Variants in PCDH15 observed in about 807,000 individuals in gnomAD.
PCDH15 encodes the protein protocadherin-15.
Under a neutral mutation model 178.5 loss-of-function variants are expected in PCDH15, and 129 were observed. That is an observed-to-expected ratio of 0.72 (90% CI 0.63 to 0.84). PCDH15 has a LOEUF of 0.84. Ranked by LOEUF, PCDH15 falls within the 40% of genes least tolerant of loss-of-function variation. PCDH15 has a pLI of 0.00. For synonymous variants in PCDH15, 800 were observed against 732.0 expected (o/e 1.09, Z -1.50); for missense variants, 2,230 against 2,099.9 (o/e 1.06, Z -1.21).
intron 1 of PCDH15, among the ~76,000 whole-genome samples, chr10:54,733,216 A>G (rs1235881406): frequency 1.3e-5 from 2 of 151,614 alleles, no homozygotes; most frequent in Non-Finnish European, 3.0e-5. Context: ...ATGATTATCT[A>G]TGTAGAAAAT....
chr10:54,086,622 C>T (rs2094520976), intron 16 of PCDH15, among the ~76,000 whole-genome samples: 1 of 152,074 alleles, frequency 6.6e-6, no homozygotes, highest in Admixed American at 6.6e-5. Flanking sequence ...TCAGGCTACT[C>T]TATAAATATC....
intron 14 of PCDH15, among the ~76,000 whole-genome samples, chr10:54,140,694 C>T (rs1229694107): frequency 6.6e-6 from 1 of 151,478 alleles, no homozygotes; most frequent in Admixed American, 6.6e-5. Context: ...GTCTCAATCT[C>T]CTGACCTCGT....
chr10:54,916,550 A>T (rs986836492), intron 2 of PCDH15, among the ~76,000 whole-genome samples: 6 of 152,098 alleles, frequency 3.9e-5, no homozygotes, highest in African/African-American at 1.2e-4. Flanking sequence ...AAACATTTTT[A>T]AAGTTTCTAT....
chr10:54,299,193 C>T (rs2059989972), intron 8 of PCDH15, among the ~76,000 whole-genome samples: 1 of 149,330 alleles, frequency 6.7e-6, no homozygotes, highest in Non-Finnish European at 1.5e-5. Context: ...AACAGAGAGA[C>T]AAAGAGGAGG....
chr10:53,929,449 A>G (rs974677587), intron 25 of PCDH15, among the ~76,000 whole-genome samples: 5 of 152,156 alleles, frequency 3.3e-5, no homozygotes, highest in African/African-American at 1.2e-4. Context: ...CATTATTAAT[A>G]TAGTTTCTAA....
chr10:55,627,022 A>G (rs1471134702), intron 2 of PCDH15, among the ~76,000 whole-genome samples: 1 of 152,202 alleles, frequency 6.6e-6, no homozygotes, highest in Non-Finnish European at 1.5e-5. Flanking sequence ...TCAGGATGGT[A>G]GGAAAGTGAG....
intron 8 of PCDH15, among the ~76,000 whole-genome samples, chr10:54,298,694 T>C (rs1432227880): frequency 1.3e-5 from 2 of 152,214 alleles, no homozygotes; most frequent in East Asian, 1.9e-4. Flanking sequence ...TGCCAGCTCA[T>C]GTCATCACCC....
chr10:55,166,751 A>G (rs558596166), intron 1 of PCDH15: 2 of 152,326 alleles, frequency 1.3e-5, no homozygotes, highest in East Asian at 3.9e-4. Context: ...TTATGATTAT[A>G]TTAAGATTTC....
chr10:55,512,650 G>A (rs888877038), intron 2 of PCDH15, among the ~76,000 whole-genome samples: 6 of 151,886 alleles, frequency 4.0e-5, no homozygotes, highest in Admixed American at 3.9e-4. Context: ...AATACAATTG[G>A]CAGTTGGAAG....
chr10:55,415,359 T>C (rs929865636), intron 2 of PCDH15, among the ~76,000 whole-genome samples: 1 of 151,674 alleles, frequency 6.6e-6, no homozygotes, highest in Non-Finnish European at 1.5e-5. Context: ...TCCTTTTTAA[T>C]TTTTTCCTTG....
At chr10:54,311,392 T>C (rs7092253) in intron 8 of PCDH15, among the ~76,000 whole-genome samples, 77,560 of 151,846 alleles carry the variant, frequency 0.51, 20,443 homozygotes, top group Middle Eastern at 0.61. Context: ...AAAAAATGCA[T>C]AAGGATTTAT....
chr10:54,692,691 A>ATAACTCCAAACATCCCTGATTGAG (rs6143914), intron 1 of PCDH15, among the ~76,000 whole-genome samples: 132,233 of 147,270 alleles, frequency 0.9, 58,637 homozygotes, highest in Middle Eastern at 0.95. Context: ...TTAAAAGCGA[A>ATAACTCCAAACATCCCTGATTGAG]TAACTCCAAA....
At chr10:54,981,571 A>C (rs1038173540) in intron 2 of PCDH15, among the ~76,000 whole-genome samples, 1 of 152,186 alleles carries the variant, frequency 6.6e-6, no homozygotes, top group African/African-American at 2.4e-5. Context: ...GCCAAGAGAT[A>C]ATAACGAAGA....
chr10:53,846,200 G>A (rs757813826), intron 28 of PCDH15, among the ~76,000 whole-genome samples: 5 of 151,766 alleles, frequency 3.3e-5, no homozygotes, highest in Non-Finnish European at 5.9e-5. Context: ...ACAGAGAACT[G>A]GCTGTGATTG....
intron 20 of PCDH15, 132 bp from the exon 21 acceptor site, chr10:53,995,897 T>C (rs1371055380): frequency 1.2e-6 from 1 of 817,990 alleles, no homozygotes; most frequent in East Asian, 2.6e-5. Flanking sequence ...TCAATTCCAT[T>C]ACTCTCATTT....
At position 54,939,330 on chromosome 10, in the gene PCDH15, T is replaced by TA. The variant is rs200428055; in HGVS notation, c.-79-41831dup. 7.0e-3 allele frequency among the ~76,000 whole-genome samples: 1,056 copies of TA among 149,876 alleles called. 9 individuals carry two copies. The highest frequency in any genetic ancestry group is 0.023 in the African/African-American group (947 of 40,862). ...TACCACGGTGAAACCTCGTCTCTACTAAAAAAAACAAAAAATTAGCCGGGC... is the reference window on the plus strand; with the variant it reads ...TACCACGGTGAAACCTCGTCTCTACTAAAAAAAAACAAAAAATTAGCCGGGC... On this transcript the variant is annotated intron_variant, in intron 2 of 5. Coordinates refer to the PCDH15 transcript ENST00000458638.
At chr10:54,879,497 T>G (rs562570018) in intron 3 of PCDH15, among the ~76,000 whole-genome samples, 5 of 152,108 alleles carry the variant, frequency 3.3e-5, no homozygotes, top group African/African-American at 9.6e-5. Context: ...TATCTGGTTC[T>G]TAAAGACATT....
intron 3 of PCDH15, among the ~76,000 whole-genome samples, chr10:54,439,046 A>T (rs2075624038): frequency 6.6e-6 from 1 of 152,064 alleles, no homozygotes; most frequent in African/African-American, 2.4e-5. Flanking sequence ...GATACCGGTC[A>T]TTTAATAGGG....
intron 1 of PCDH15, among the ~76,000 whole-genome samples, chr10:55,244,800 T>A (rs1317089985): frequency 6.6e-6 from 1 of 151,352 alleles, no homozygotes; most frequent in Non-Finnish European, 1.5e-5. Flanking sequence ...TGCAGAAATG[T>A]AGCTGTTAAT....
Sources: allele counts gnomAD v4.1 joint callset (sites outside exome capture counted in the v4.1 genomes callset), GRCh38; gene constraint gnomAD v4.1.1; transcripts MANE v1.5; gene names NCBI Gene and HGNC (gene_info 2026-07-23, HGNC 2026-07-21).